Variants in CSMD1 observed in about 807,000 individuals in gnomAD.
CSMD1 encodes CUB and Sushi multiple domains 1, also known as CUB and sushi domain-containing protein 1.
Under a neutral mutation model 417.5 loss-of-function variants are expected in CSMD1, and 213 were observed. That is an observed-to-expected ratio of 0.51 (90% CI 0.46 to 0.57). The LOEUF is 0.57. CSMD1 is among the 20% of genes least tolerant of loss of function. The pLI is 0.00. For missense variants in CSMD1, 6,923 were observed against 4,529.7 expected (o/e 1.53, Z -15.17); for synonymous variants, 2,862 against 1,736.8 (o/e 1.65, Z -16.11).
At chr8:4,132,110 CA>C (rs1339000567) in intron 3 of CSMD1, among the ~76,000 whole-genome samples, 2 of 151,724 alleles carry the variant, frequency 1.3e-5, no homozygotes, top group Non-Finnish European at 1.5e-5. Context: ...TATGGATCCC[CA>C]AAGTCTGTCT....
At chr8:4,681,879 T>C (rs894813053) in intron 1 of CSMD1, among the ~76,000 whole-genome samples, 1 of 152,128 alleles carries the variant, frequency 6.6e-6, no homozygotes, top group Non-Finnish European at 1.5e-5. Context: ...CAGAAAAAAA[T>C]GCTCAGAACA....
intron 2 of CSMD1, among the ~76,000 whole-genome samples, chr8:4,425,680 T>TAA (rs10644025): frequency 0.19 from 29,405 of 152,008 alleles, 3,068 homozygotes; most frequent in East Asian, 0.28. Flanking sequence ...CTGCTTCTTA[T>TAA]AAGCAACTGG....
At chr8:2,947,136 A>C (rs1802297784) in intron 68 of CSMD1, among the ~76,000 whole-genome samples, 2 of 152,368 alleles carry the variant, frequency 1.3e-5, no homozygotes, top group Non-Finnish European at 2.9e-5. Flanking sequence ...TATCAGGTAC[A>C]TAATTTTATG....
chr8:4,889,377 A>G (rs1475027149), intron 1 of CSMD1, among the ~76,000 whole-genome samples: 1 of 152,170 alleles, frequency 6.6e-6, no homozygotes, highest in African/African-American at 2.4e-5. Context: ...GATAAGGAAG[A>G]CTGAGAAACC....
At chr8:3,923,289 T>G (rs974067616) in intron 5 of CSMD1, among the ~76,000 whole-genome samples, 2 of 152,194 alleles carry the variant, frequency 1.3e-5, no homozygotes, top group Non-Finnish European at 2.9e-5. Flanking sequence ...GCCCAGGCTG[T>G]CCCTTCCCCA....
chr8:3,521,154 AATG>A (rs1381664957), intron 10 of CSMD1, among the ~76,000 whole-genome samples: 4 of 112,906 alleles, frequency 3.5e-5, no homozygotes, highest in Non-Finnish European at 7.7e-5. Context: ...ACTGAAAATG[AATG>A]TATTTATTAA....
At chr8:2,982,101 A>C (rs537906141) in intron 54 of CSMD1, among the ~76,000 whole-genome samples, 2 of 152,196 alleles carry the variant, frequency 1.3e-5, no homozygotes, top group Non-Finnish European at 2.9e-5. Context: ...CACACCTGTA[A>C]TCCCAGCACT....
chr8:3,032,592 A>G (rs1424138096), intron 50 of CSMD1, among the ~76,000 whole-genome samples: 2 of 151,860 alleles, frequency 1.3e-5, no homozygotes. Flanking sequence ...ACATTTTACA[A>G]CCCCCAAACA....
intron 2 of CSMD1, among the ~76,000 whole-genome samples, chr8:4,568,403 G>T (rs1798721092): frequency 6.6e-6 from 1 of 152,076 alleles, no homozygotes; most frequent in Admixed American, 6.6e-5. Context: ...TGTCTTTACT[G>T]AGAATGGTTT....
chr8:4,315,750 G>A (rs1176922366), intron 3 of CSMD1, among the ~76,000 whole-genome samples: 1 of 152,132 alleles, frequency 6.6e-6, no homozygotes, highest in Admixed American at 6.6e-5. Context: ...CTGAATGAAA[G>A]CAACTAGCTG....
At chr8:4,120,881 T>G (rs910012714) in intron 3 of CSMD1, among the ~76,000 whole-genome samples, 3 of 152,184 alleles carry the variant, frequency 2.0e-5, no homozygotes, top group Non-Finnish European at 4.4e-5. Flanking sequence ...TCTGTTTTAT[T>G]GTTTATACAC....
intron 7 of CSMD1, among the ~76,000 whole-genome samples, chr8:3,689,148 A>T (rs1189995323): frequency 6.6e-6 from 1 of 152,188 alleles, no homozygotes; most frequent in African/African-American, 2.4e-5. Context: ...AAGTTGTGAG[A>T]CAACGCGCTC....
chr8:3,645,502 G>A (rs575950553), intron 7 of CSMD1, among the ~76,000 whole-genome samples: 21 of 152,316 alleles, frequency 1.4e-4, no homozygotes, highest in African/African-American at 4.6e-4. Context: ...AAATGGGGAA[G>A]GGGAAGGAAG....
intron 5 of CSMD1, among the ~76,000 whole-genome samples, chr8:3,921,286 G>C (rs1162528619): frequency 6.6e-6 from 1 of 151,816 alleles, no homozygotes; most frequent in Non-Finnish European, 1.5e-5. Flanking sequence ...TTCTAATTTT[G>C]AGTCTTCTCT....
chr8:3,799,960 G>A (rs970949728), intron 5 of CSMD1, among the ~76,000 whole-genome samples: 2 of 152,154 alleles, frequency 1.3e-5, no homozygotes, highest in African/African-American at 4.8e-5. Flanking sequence ...TAATGAAAAT[G>A]TCTGGGGTAT....
chr8:4,176,556 C>T (rs921895844), intron 3 of CSMD1, among the ~76,000 whole-genome samples: 1 of 151,958 alleles, frequency 6.6e-6, no homozygotes, highest in African/African-American at 2.4e-5. Context: ...TAATATACCC[C>T]ATTTTGGCAG....
At chr8:4,659,839 A>T (rs1377871706) in intron 1 of CSMD1, among the ~76,000 whole-genome samples, 1 of 152,144 alleles carries the variant, frequency 6.6e-6, no homozygotes, top group African/African-American at 2.4e-5. Flanking sequence ...AACCATCCAT[A>T]TTAACATGCT....
chr8:4,347,408 T>C (rs544852440), intron 3 of CSMD1, among the ~76,000 whole-genome samples: 2 of 152,282 alleles, frequency 1.3e-5, no homozygotes, highest in South Asian at 4.1e-4. Flanking sequence ...TCATTTAAAA[T>C]AGGTAACATT....
rs1802948959 is a variant in CSMD1 at position 2,955,663 on chromosome 8, A to C, written c.9920T>G (p.Phe3307Cys). The C allele has an allele frequency of 6.2e-7, 1 of 1,613,868 alleles. No homozygotes were observed. Among genetic ancestry groups the C allele is most frequent in the Non-Finnish European group, 8.5e-7 (1 of 1,179,802 alleles). ...TCTGTGCTCAGATCCCCCTGCGAGG[A>C]AAAAGCCTGGATGGCAGGTGTACAC... ...TLVYTCHPGF[F>C]LAGGSEHRTC... The change falls in exon 64 of 70, where the codon TTC becomes TGC. Residue 3307 changes from phenylalanine to cysteine, a missense_variant. Transcript: ENST00000635120.
Sources: allele counts gnomAD v4.1 joint callset (sites outside exome capture counted in the v4.1 genomes callset), GRCh38; gene constraint gnomAD v4.1.1; transcripts MANE v1.5; gene names NCBI Gene and HGNC (gene_info 2026-07-23, HGNC 2026-07-21).